RRM2: variants seen among roughly 807,000 people sequenced by gnomAD.
RRM2 encodes the protein ribonucleoside-diphosphate reductase subunit M2.
A neutral mutation model predicts 45.9 loss-of-function variants in RRM2; 6 were observed. The ratio of observed to expected loss-of-function variants is 0.13; its 90% CI spans 0.07 to 0.26. RRM2 has a LOEUF of 0.26. Ranked by LOEUF, RRM2 falls within the 10% of genes least tolerant of loss-of-function variation. The pLI is 1.00. For synonymous variants in RRM2, 177 were observed against 173.0 expected, an observed-to-expected ratio of 1.02 and a Z score of -0.18; for missense variants, 343 against 489.5, an observed-to-expected ratio of 0.70 and a Z score of 2.82.
exon 3 of RRM2, chr2:10,142,305 TC>T: frequency 7.1e-7 from 1 of 1,401,400 alleles, no homozygotes; most frequent in Non-Finnish European, 9.6e-7. Flanking sequence ...TGAAAGGGAA[TC>T]CCCTGCTTCT....
In RRM2 at chr2:10,204,690, C is replaced by T. The variant is rs115849692; in HGVS notation, n.483-5621C>T. Reference sequence around the variant, plus strand: ...CCTGGCTTTTGTGAACACGTCTGCGCTGACTAATTTGTTTAATTACTCATT... The same window carrying T: ...CCTGGCTTTTGTGAACACGTCTGCGTTGACTAATTTGTTTAATTACTCATT... On this transcript the variant is annotated intron_variant and non_coding_transcript_variant, in intron 3 of 3. Transcript: ENST00000381786. The surrounding 1 kb of genome is among the most constrained non-coding windows in gnomAD (Gnocchi z 4.0). Among the ~76,000 whole-genome samples, 468 of 152,390 alleles carry T rather than the reference C, an allele frequency of 3.1e-3. No individual in the cohort carries two copies. Among genetic ancestry groups the T allele is most frequent in the African/African-American group, 0.011 (442 of 41,598 alleles).
chr2:10,158,591 C>T (rs1663484644), intron 3 of RRM2, among the ~76,000 whole-genome samples: 1 of 152,170 alleles, frequency 6.6e-6, no homozygotes, highest in Admixed American at 6.5e-5. Flanking sequence ...GGCTCCGATG[C>T]TCTTCCTCCC....
At chr2:10,197,746 A>G (rs916304658) in intron 3 of RRM2, among the ~76,000 whole-genome samples, 6 of 152,202 alleles carry the variant, frequency 3.9e-5, no homozygotes, top group Admixed American at 6.5e-5. Context: ...ATTCACTCCC[A>G]TGCAGGAACT....
At position 10,127,039 on chromosome 2, in the gene RRM2, C is replaced by T. The variant is rs776280657; in HGVS notation, c.665-48C>T. The T allele has an allele frequency of 6.2e-7, 1 of 1,611,474 alleles. No individual in the cohort carries two copies. The highest frequency in any genetic ancestry group is 1.1e-5 in the South Asian group (1 of 91,000). ...AAGTAATGTTACTGGATTTTTGGCC[C>T]TTGAATACCAACTCACTAGAATCAT... is the stretch of plus-strand genomic sequence containing the variant. On this transcript the variant is annotated intron_variant, in intron 6 of 9. Coordinates refer to ENST00000304567, the MANE Select transcript of RRM2 (RefSeq NM_001034.4). This position sits in a 1 kb window ranked among gnomAD's most constrained non-coding sequence, Gnocchi z 4.1.
intron 3 of RRM2, among the ~76,000 whole-genome samples, chr2:10,177,419 C>T (rs1386666723): frequency 6.6e-6 from 1 of 152,106 alleles, no homozygotes; most frequent in African/African-American, 2.4e-5. Context: ...TATGGAGTAA[C>T]ACAGAGAGAT....
chr2:10,130,464 C>T lies in RRM2; in HGVS notation c.*1078C>T, dbSNP rs1558382122. ...TGTTAAATCAGAAATTTTTTATTAT[C>T]TATGTTCTTCTAGATTTTACCTGTA... is the stretch of plus-strand genomic sequence containing the variant. On this transcript the variant is annotated 3_prime_UTR_variant, in exon 10 of 10. Transcript: ENST00000304567. The T allele has an allele frequency of 6.6e-6, 1 of 151,916 alleles. No homozygotes were observed. The highest frequency in any genetic ancestry group is 1.5e-5 in the Non-Finnish European group (1 of 68,018). The allele number at this position is 151,916 out of a possible 1,614,324, so 9.4% of individuals were successfully genotyped here. A position where few individuals can be genotyped will look rare whatever the true frequency, so the allele number is the denominator to read the frequency against.
chr2:10,186,746 A>T (rs1664175908), intron 3 of RRM2, among the ~76,000 whole-genome samples: 1 of 152,200 alleles, frequency 6.6e-6, no homozygotes, highest in African/African-American at 2.4e-5. Flanking sequence ...CAGCGAACTT[A>T]CTTACCACTT....
Position 10,127,856 on chromosome 2 carries a change from C to A in RRM2, c.798+636C>A, listed in dbSNP as rs114117370. 3.9e-3 allele frequency among the ~76,000 whole-genome samples: 595 copies of A among 152,018 alleles called. 7 individuals carry two copies. The highest frequency in any genetic ancestry group is 0.014 in the African/African-American group (573 of 41,482). On this transcript the variant is annotated intron_variant, in intron 7 of 9. Transcript: ENST00000304567. This position sits in a 1 kb window ranked among gnomAD's most constrained non-coding sequence, Gnocchi z 4.1. ...TTTTTGCCTGGTATTAATATGTTAT[C>A]CCTTTTTCCGTAAAAATGTTCATAG... is the stretch of plus-strand genomic sequence containing the variant.
intron 3 of RRM2, among the ~76,000 whole-genome samples, chr2:10,192,835 C>T (rs1664339498): frequency 6.6e-6 from 1 of 152,260 alleles, no homozygotes; most frequent in Non-Finnish European, 1.5e-5. Context: ...GGACCCTCCT[C>T]TCCATGGCTC....
intron 3 of RRM2, among the ~76,000 whole-genome samples, chr2:10,161,070 T>C (rs1663546310): frequency 6.6e-6 from 1 of 152,126 alleles, no homozygotes; most frequent in Non-Finnish European, 1.5e-5. Context: ...GTAGTTCTTT[T>C]TTTGTTTTGT....
chr2:10,201,397 G>T (rs1038609794), intron 3 of RRM2, among the ~76,000 whole-genome samples: 1 of 152,126 alleles, frequency 6.6e-6, no homozygotes, highest in East Asian at 1.9e-4. Context: ...ACAATATTCC[G>T]AGCAAAACAT....
At chr2:10,136,591 G>C (rs1662992967), upstream of RRM2, among the ~76,000 whole-genome samples, 1 of 152,160 alleles carries the variant, frequency 6.6e-6, no homozygotes, top group African/African-American at 2.4e-5. Context: ...GCAATATAAG[G>C]AGACCCTATC....
intron 3 of RRM2, among the ~76,000 whole-genome samples, chr2:10,184,058 A>G (rs1394261959): frequency 7.5e-6 from 1 of 133,102 alleles, no homozygotes; most frequent in East Asian, 2.6e-4. Flanking sequence ...GCACCACTGC[A>G]CTACAGCCTG....
downstream of RRM2, among the ~76,000 whole-genome samples, chr2:10,134,500 C>A (rs1466823237): frequency 6.6e-6 from 1 of 152,206 alleles, no homozygotes; most frequent in Non-Finnish European, 1.5e-5. Context: ...TAAAAACCTT[C>A]ACATAAATTT....
At chr2:10,193,671 A>G (rs1365715020) in intron 3 of RRM2, among the ~76,000 whole-genome samples, 1 of 152,158 alleles carries the variant, frequency 6.6e-6, no homozygotes, top group African/African-American at 2.4e-5. Flanking sequence ...GTCAGTCATG[A>G]ACGTAACAGG....
At position 10,181,635 on chromosome 2, in the gene RRM2, A is replaced by G. The variant is rs186880312; in HGVS notation, n.483-28676A>G. Reference sequence around the variant, plus strand: ...TACTGCTTTGGTTGCATCCCTGCACATACAAGTTTTGATTGTAGGAGTTTA... The same window carrying G: ...TACTGCTTTGGTTGCATCCCTGCACGTACAAGTTTTGATTGTAGGAGTTTA... On this transcript the variant is annotated intron_variant and non_coding_transcript_variant, in intron 3 of 3. Coordinates refer to the RRM2 transcript ENST00000381786. 1.2e-3 allele frequency among the ~76,000 whole-genome samples: 179 copies of G among 152,060 alleles called. 1 individual carries two copies. In the East Asian group the frequency reaches 0.025, roughly 21 times the overall value.
At chr2:10,199,292 G>GGC (rs1664487613) in intron 3 of RRM2, 2 of 136,358 alleles carry the variant, frequency 1.5e-5, no homozygotes, top group Non-Finnish European at 3.2e-5. Flanking sequence ...AAAAAAAGGG[G>GGC]GGGGGGAAGG....
In RRM2 at chr2:10,143,141, G is replaced by A. The variant is rs901187625; in HGVS notation, n.482+766G>A. Among the ~76,000 whole-genome samples the A allele has an allele frequency of 2.6e-5, 4 of 152,330 alleles. No homozygotes were observed. In the East Asian group the frequency reaches 7.7e-4, roughly 29 times the overall value. On this transcript the variant is annotated intron_variant and non_coding_transcript_variant, in intron 3 of 3. Transcript: ENST00000381786. ...GCCTGCCTTGGCCTCCCAAAGGGCCGGGATTACAGGCGTGAGCCACCATGC... is the reference window on the plus strand; with the variant it reads ...GCCTGCCTTGGCCTCCCAAAGGGCCAGGATTACAGGCGTGAGCCACCATGC...
In RRM2 at chr2:10,127,006, C is replaced by T. The variant is rs370916156; in HGVS notation, c.664+37C>T. The T allele has an allele frequency of 2.1e-5, 34 of 1,611,886 alleles. No individual in the cohort carries two copies. In the East Asian group the frequency reaches 3.8e-4, roughly 18 times the overall value. On this transcript the variant is annotated intron_variant, in intron 6 of 9. Transcript: ENST00000304567. The surrounding 1 kb of genome is among the most constrained non-coding windows in gnomAD (Gnocchi z 4.1). The stretch of plus-strand genomic sequence containing the variant: ...CTTGCCCCTACTTAAACCTGAGCTT[C>T]ATTTTCCAAGTAATGTTACTGGATT...
Sources: allele counts gnomAD v4.1 joint callset (sites outside exome capture counted in the v4.1 genomes callset), GRCh38; gene constraint gnomAD v4.1.1; non-coding constraint Gnocchi (gnomAD v3.1); transcripts MANE v1.5; gene names NCBI Gene and HGNC (gene_info 2026-07-23, HGNC 2026-07-21).